Variants in SYN3 observed in about 807,000 individuals in gnomAD.
SYN3 encodes synapsin III.
Under a neutral mutation model 65.8 loss-of-function variants are expected in SYN3, and 35 were observed. The observed-to-expected ratio is 0.53, with a 90% CI of 0.41 to 0.70. SYN3 has a LOEUF of 0.70. Among genes scored for constraint, SYN3 ranks in the 30% least tolerant of loss-of-function variants. The probability of loss-of-function intolerance (pLI) is 0.00; values close to 1 mark genes in which losing one functional copy is unlikely to be tolerated. For missense variants in SYN3, 680 were observed against 749.0 expected, an observed-to-expected ratio of 0.91 and a Z score of 1.08; for synonymous variants, 270 against 292.9, an observed-to-expected ratio of 0.92 and a Z score of 0.80.
chr22:32,782,189 C>T (rs2145837517), intron 6 of SYN3, among the ~76,000 whole-genome samples: 1 of 151,794 alleles, frequency 6.6e-6, no homozygotes, highest in African/African-American at 2.4e-5. Context: ...TTGCCTCAGC[C>T]TCCCAAGTAG....
chr22:32,889,455 T>C (rs1026788855), intron 4 of SYN3, among the ~76,000 whole-genome samples: 2 of 152,070 alleles, frequency 1.3e-5, no homozygotes, highest in African/African-American at 4.8e-5. Context: ...TAGGAATTTT[T>C]CTGTTAATAA....
chr22:32,941,920 A>T (rs2050951842), intron 3 of SYN3, among the ~76,000 whole-genome samples: 1 of 152,208 alleles, frequency 6.6e-6, no homozygotes. Context: ...CGCCATTGCT[A>T]AGGCTTGAGT....
chr22:32,675,817 G>A lies in SYN3; in HGVS notation c.712-79081C>T, dbSNP rs990175122. On this transcript the variant is annotated intron_variant, in intron 6 of 13. Transcript: ENST00000358763. Reference sequence around the variant, plus strand: ...AGCTAGCAAGTGGTGAGCGGGAGGCGAGATCACAGACAGGGACCCAGTGAG... The same window carrying A: ...AGCTAGCAAGTGGTGAGCGGGAGGCAAGATCACAGACAGGGACCCAGTGAG... Among the ~76,000 whole-genome samples, 12 of 152,280 alleles carry A rather than the reference G, an allele frequency of 7.9e-5. No homozygotes were observed. The East Asian group carries it at 2.3e-3, about 29-fold the overall frequency.
chr22:32,586,022 GTATGTATGTATATATGTA>G (rs1175220748), intron 7 of SYN3, among the ~76,000 whole-genome samples: 1 of 125,646 alleles, frequency 8.0e-6, no homozygotes, highest in African/African-American at 4.0e-5. Context: ...ACGTATATAT[GTATGTATGTATATATGTA>G]TATGTATATA....
intron 3 of SYN3, among the ~76,000 whole-genome samples, chr22:32,979,967 G>A (rs942360172): frequency 6.6e-6 from 1 of 151,970 alleles, no homozygotes; most frequent in Non-Finnish European, 1.5e-5. Flanking sequence ...AGGTCCTCGC[G>A]GAACGAACAG....
At chr22:32,972,471 C>G (rs999058691) in intron 3 of SYN3, among the ~76,000 whole-genome samples, 3 of 152,162 alleles carry the variant, frequency 2.0e-5, no homozygotes, top group Non-Finnish European at 2.9e-5. Flanking sequence ...TGCCACTCAT[C>G]CTTCTATAGT....
At chr22:32,982,341 G>GTCCT (rs1009258776) in intron 2 of SYN3, among the ~76,000 whole-genome samples, 1 of 151,872 alleles carries the variant, frequency 6.6e-6, no homozygotes, top group Non-Finnish European at 1.5e-5. Context: ...CCATCCGTCC[G>GTCCT]TCCTTCCTTC....
intron 1 of SYN3, among the ~76,000 whole-genome samples, chr22:33,053,141 G>A (rs1436961158): frequency 1.3e-5 from 2 of 152,184 alleles, no homozygotes; most frequent in Non-Finnish European, 1.5e-5. Flanking sequence ...AGGCTGAGTC[G>A]GCCGGGCGCA....
chr22:33,038,353 T>A (rs2053896733), intron 1 of SYN3, among the ~76,000 whole-genome samples: 2 of 152,244 alleles, frequency 1.3e-5, no homozygotes, highest in South Asian at 4.1e-4. Flanking sequence ...TGGGGATTAC[T>A]GCTGCGGCGC....
At chr22:32,666,513 G>T (rs2060292075) in intron 6 of SYN3, among the ~76,000 whole-genome samples, 1 of 152,060 alleles carries the variant, frequency 6.6e-6, no homozygotes, top group African/African-American at 2.4e-5. Flanking sequence ...GTCCTTGCTG[G>T]CCCTCTCCCT....
rs115429600 is a variant in SYN3 at position 32,871,174 on chromosome 22, T to C, written c.462-2049A>G. Among the ~76,000 whole-genome samples the C allele has an allele frequency of 3.5e-3, 531 of 152,254 alleles. 4 individuals are homozygous for C. Among genetic ancestry groups the C allele is most frequent in the African/African-American group, 0.012 (497 of 41,542 alleles). On this transcript the variant is annotated intron_variant, in intron 4 of 13. Transcript: ENST00000358763. ...CTGCTGGCCAGCCTCCTATTTTTTT[T>C]CCCCATTGCTGGGAATTCATAAGAG...
intron 6 of SYN3, among the ~76,000 whole-genome samples, chr22:32,653,652 G>A (rs2060103963): frequency 6.6e-6 from 1 of 152,162 alleles, no homozygotes; most frequent in African/African-American, 2.4e-5. Flanking sequence ...GAGGTGAAAA[G>A]TTGGGGGTCA....
intron 1 of SYN3, among the ~76,000 whole-genome samples, chr22:33,044,348 C>G (rs1225130783): frequency 1.3e-5 from 2 of 152,226 alleles, no homozygotes; most frequent in East Asian, 1.9e-4. Context: ...AACAGACATT[C>G]TGTCCACGTG....
intron 3 of SYN3, among the ~76,000 whole-genome samples, chr22:32,970,632 G>A (rs1351198449): frequency 6.6e-6 from 1 of 151,570 alleles, no homozygotes; most frequent in Non-Finnish European, 1.5e-5. Flanking sequence ...GGAAAACAAT[G>A]AAAAAATATA....
intron 3 of SYN3, among the ~76,000 whole-genome samples, chr22:32,973,134 T>C (rs1419023499): frequency 6.6e-6 from 1 of 152,204 alleles, no homozygotes; most frequent in East Asian, 1.9e-4. Context: ...TAAAATGATT[T>C]CCCCTTTTGA....
At chr22:32,675,809 C>T (rs934774751) in intron 6 of SYN3, among the ~76,000 whole-genome samples, 145 of 152,228 alleles carry the variant, frequency 9.5e-4, no homozygotes, top group African/African-American at 3.2e-3. Flanking sequence ...AAGTGGTGAG[C>T]GGGAGGCGAG....
At chr22:32,961,444 C>T (rs768270593) in intron 3 of SYN3, among the ~76,000 whole-genome samples, 3 of 152,174 alleles carry the variant, frequency 2.0e-5, no homozygotes, top group Non-Finnish European at 4.4e-5. Context: ...ATACTTGTTT[C>T]AGTAGACACT....
intron 4 of SYN3, among the ~76,000 whole-genome samples, chr22:32,904,455 C>T (rs1227058179): frequency 6.6e-6 from 1 of 152,068 alleles, no homozygotes; most frequent in Non-Finnish European, 1.5e-5. Context: ...AGAAGGTCGT[C>T]TGCTGAATGC....
intron 6 of SYN3, among the ~76,000 whole-genome samples, chr22:32,717,547 TC>T (rs1232848118): frequency 6.6e-6 from 1 of 152,148 alleles, no homozygotes; most frequent in Non-Finnish European, 1.5e-5. Flanking sequence ...AGTCTCAGCC[TC>T]TGAGGTGGCT....
Sources: allele counts gnomAD v4.1 joint callset (sites outside exome capture counted in the v4.1 genomes callset), GRCh38; gene constraint gnomAD v4.1.1; transcripts MANE v1.5; gene names NCBI Gene and HGNC (gene_info 2026-07-23, HGNC 2026-07-21).